ABL2: variants seen among roughly 807,000 people sequenced by gnomAD.
ABL2 encodes ABL proto-oncogene 2, non-receptor tyrosine kinase, also known as tyrosine-protein kinase ABL2.
ABL2 carries 49 observed loss-of-function variants against 107.7 expected under a neutral mutation model. That is an observed-to-expected ratio of 0.45 (90% CI 0.36 to 0.58). ABL2 has a LOEUF of 0.58. Ranked by LOEUF, ABL2 falls within the 20% of genes least tolerant of loss-of-function variation. ABL2 has a pLI of 0.00. For missense variants in ABL2, 1,245 were observed against 1,457.0 expected (o/e 0.85, Z 2.37); for synonymous variants, 549 against 548.6 (o/e 1.00, Z -0.01).
chr1:179,121,989 G>A (rs1017668465), intron 4 of ABL2, 122 bp from the exon 5 acceptor site: 28 of 964,746 alleles, frequency 2.9e-5, no homozygotes, highest in Admixed American at 1.0e-4. Context: ...GCACTGGCGC[G>A]ATCTCGGCTC....
intron 9 of ABL2, among the ~76,000 whole-genome samples, chr1:179,113,071 C>T (rs1044959612): frequency 1.3e-5 from 2 of 152,018 alleles, no homozygotes; most frequent in East Asian, 1.9e-4. Context: ...GCACACACAG[C>T]GATCTCAAGC....
At position 179,179,946 on chromosome 1, in the gene ABL2, C is replaced by CAA. The variant is rs796697169; in HGVS notation, c.158-46574_158-46573dup. ...CGAAACCCTGTCTCTACTAAAAATACAAAAAAAAAAAAAAATTAGCCAGGT... is the reference window on the plus strand; with the variant it reads ...CGAAACCCTGTCTCTACTAAAAATACAAAAAAAAAAAAAAAAATTAGCCAGGT... On this transcript the variant is annotated intron_variant, in intron 1 of 11. Coordinates refer to ENST00000502732, the MANE Select transcript of ABL2 (RefSeq NM_007314.4). Among the ~76,000 whole-genome samples, 751 of 123,868 alleles carry CAA rather than the reference C, an allele frequency of 6.1e-3. 7 individuals carry two copies. Among genetic ancestry groups the CAA allele is most frequent in the African/African-American group, 0.021 (703 of 34,050 alleles). The allele number at this position is 123,868 out of a possible 152,430, so 81.3% of individuals were successfully genotyped here. A position where few individuals can be genotyped will look rare whatever the true frequency, so the allele number is the denominator to read the frequency against.
At chr1:179,139,408 C>T (rs930268882) in intron 1 of ABL2, among the ~76,000 whole-genome samples, 5 of 152,130 alleles carry the variant, frequency 3.3e-5, no homozygotes, top group Admixed American at 2.6e-4. Context: ...CACATCTGAA[C>T]ATCAGAAGGA....
At chr1:179,170,560 G>A (rs1659659604) in intron 1 of ABL2, among the ~76,000 whole-genome samples, 1 of 151,956 alleles carries the variant, frequency 6.6e-6, no homozygotes. Context: ...CGGATTACAG[G>A]CCCACGTCAC....
chr1:179,165,470 C>T (rs970549612), intron 1 of ABL2, among the ~76,000 whole-genome samples: 50 of 151,902 alleles, frequency 3.3e-4, no homozygotes, highest in African/African-American at 1.1e-3. Context: ...TTTCCATTTG[C>T]TTTTTGTGCA....
chr1:179,141,029 T>C (rs769074420), intron 1 of ABL2, among the ~76,000 whole-genome samples: 6 of 151,226 alleles, frequency 4.0e-5, no homozygotes, highest in African/African-American at 9.7e-5. Context: ...GGCAGGAGAA[T>C]TGCTTGAACC....
chr1:179,107,783 T>C lies in ABL2; in HGVS notation c.3484A>G (p.Thr1162Ala), dbSNP rs138532009. Reference sequence around the variant, plus strand: ...AATAAGTTATTAAGGACAGGGTTTGTCCCGGGCACACCAGCAGCTGCTGAA... The same window carrying C: ...AATAAGTTATTAAGGACAGGGTTTGCCCCGGGCACACCAGCAGCTGCTGAA... ...VSSAAAGVPG[T>A]NPVLNNLLSC... The change falls in exon 12 of 12, where the codon ACA becomes GCA. Residue 1162 changes from threonine to alanine, a missense_variant. By Grantham distance (58) the Thr-to-Ala change is moderately conservative. Coordinates refer to ENST00000502732, the MANE Select transcript of ABL2 (RefSeq NM_007314.4). 9 of 1,614,090 alleles carry C rather than the reference T, an allele frequency of 5.6e-6. No homozygotes were observed. The highest frequency in any genetic ancestry group is 7.6e-6 in the Non-Finnish European group (9 of 1,180,034).
intron 4 of ABL2, among the ~76,000 whole-genome samples, chr1:179,125,574 G>A (rs1655658139): frequency 6.6e-6 from 1 of 152,136 alleles, no homozygotes; most frequent in Non-Finnish European, 1.5e-5. Context: ...TGGTGCAAAA[G>A]TGAAAGAAAA....
In ABL2 at chr1:179,101,377, C is replaced by CTTTTTTT. The variant is rs71108091; in HGVS notation, c.*6334_*6340dup. 2 of 166,924 alleles carry CTTTTTTT rather than the reference C, an allele frequency of 1.2e-5. No homozygotes were observed. 10.3% of individuals were successfully genotyped at this position (166,924 alleles called of 1,614,324 possible). On this transcript the variant is annotated 3_prime_UTR_variant, in exon 12 of 12. Coordinates refer to ENST00000502732, the MANE Select transcript of ABL2 (RefSeq NM_007314.4). Reference sequence around the variant, plus strand: ...ATATTGAGTCAGAAATGAAGGTATCCTTTTTTTTTTTTTTCTTCTTAACGT... The same window carrying CTTTTTTT: ...ATATTGAGTCAGAAATGAAGGTATCCTTTTTTTTTTTTTTTTTTTTTCTTCTTAACGT...
chr1:179,193,816 C>A (rs1257337840), intron 1 of ABL2, among the ~76,000 whole-genome samples: 1 of 152,160 alleles, frequency 6.6e-6, no homozygotes, highest in East Asian at 1.9e-4. Context: ...ACTGCAAGCT[C>A]CATCTCCCAG....
chr1:179,120,001 T>A (rs1655030015), intron 6 of ABL2, among the ~76,000 whole-genome samples, 189 bp downstream of exon 6: 1 of 152,086 alleles, frequency 6.6e-6, no homozygotes, highest in African/African-American at 2.4e-5. Flanking sequence ...CGGGGCATGG[T>A]GGCTCATGCC....
chr1:179,191,413 CTTTTTTTTT>C (rs35362624), intron 1 of ABL2, among the ~76,000 whole-genome samples: 1 of 77,168 alleles, frequency 1.3e-5, no homozygotes, highest in Non-Finnish European at 2.3e-5. Context: ...TATGAAATCC[CTTTTTTTTT>C]TTTTTTTTTT....
chr1:179,136,587 T>C (rs1418669363), intron 1 of ABL2, among the ~76,000 whole-genome samples: 1 of 147,482 alleles, frequency 6.8e-6, no homozygotes, highest in Non-Finnish European at 1.5e-5. Flanking sequence ...GGCCGCAGGG[T>C]CCTCTGCCTA....
chr1:179,184,370 G>A lies in ABL2; in HGVS notation c.157+44871C>T, dbSNP rs932882993. 36 of 730,558 alleles carry A rather than the reference G, an allele frequency of 4.9e-5. No homozygotes were observed. The African/African-American group carries it at 5.4e-4, about 11-fold the overall frequency. 45.3% of individuals were successfully genotyped at this position (730,558 alleles called of 1,614,324 possible). A position where few individuals can be genotyped will look rare whatever the true frequency, so the allele number is the denominator to read the frequency against. On this transcript the variant is annotated intron_variant, in intron 1 of 11. Transcript: ENST00000502732. The stretch of plus-strand genomic sequence containing the variant: ...TCAAATGGAAAGCTGGAAAGGATGC[G>A]ATGAAACATTCAAGTCAAACACAGA...
intron 1 of ABL2, among the ~76,000 whole-genome samples, chr1:179,211,457 G>A (rs1012807053): frequency 1.3e-5 from 2 of 152,038 alleles, no homozygotes; most frequent in African/African-American, 4.8e-5. Flanking sequence ...AGGAGGTCAA[G>A]GCTGCAGTGA....
Position 179,109,093 on chromosome 1 carries a change from C to G in ABL2, c.2174G>C (p.Arg725Thr). ...ACCACCGTCGTCATTACAGAGGTTC[C>G]TCTGTGCAAAGCTCCCCCCATAGCA... ...PKCYGGSFAQ[R>T]NLCNDDGGGG... The change falls in exon 12 of 12, where the codon AGG becomes ACG. Residue 725 changes from arginine (R) to threonine (T), a missense_variant. Coordinates refer to ENST00000502732, the MANE Select transcript of ABL2 (RefSeq NM_007314.4). The G allele has an allele frequency of 6.3e-7, 1 of 1,588,822 alleles. No individual in the cohort carries two copies. Among genetic ancestry groups the G allele is most frequent in the South Asian group, 1.1e-5 (1 of 90,444 alleles).
intron 9 of ABL2, among the ~76,000 whole-genome samples, chr1:179,113,670 T>C (rs1572617599): frequency 6.6e-6 from 1 of 152,166 alleles, no homozygotes; most frequent in Non-Finnish European, 1.5e-5. Context: ...GGCTCAAGCC[T>C]GTAATCCCAG....
intron 1 of ABL2, among the ~76,000 whole-genome samples, chr1:179,138,575 TC>T (rs961815104): frequency 4.4e-4 from 67 of 152,358 alleles, no homozygotes; most frequent in African/African-American, 1.4e-3. Flanking sequence ...TTTGTTTCTC[TC>T]ACTGAATTCC....
intron 1 of ABL2, among the ~76,000 whole-genome samples, chr1:179,144,435 G>A (rs1416830056): frequency 6.6e-6 from 1 of 152,094 alleles, no homozygotes; most frequent in African/African-American, 2.4e-5. Context: ...ACTCCAGCCT[G>A]GGCGACAGAG....
Sources: allele counts gnomAD v4.1 joint callset (sites outside exome capture counted in the v4.1 genomes callset), GRCh38; gene constraint gnomAD v4.1.1; transcripts MANE v1.5; gene names NCBI Gene and HGNC (gene_info 2026-07-23, HGNC 2026-07-21).